The following FBXL13 variants were observed in gnomAD, a reference collection of about 807,000 sequenced individuals.
FBXL13 encodes F-box and leucine-rich repeat protein 13.
FBXL13 carries 67 observed loss-of-function variants against 83.6 expected under a neutral mutation model. The ratio of observed to expected loss-of-function variants is 0.80; its 90% CI spans 0.66 to 0.98. The LOEUF is 0.98. Ranked by LOEUF, FBXL13 falls within the 50% of genes least tolerant of loss-of-function variation. The pLI, the probability that FBXL13 is intolerant of heterozygous loss-of-function variation, is 0.00. For synonymous variants in FBXL13, 272 were observed against 299.5 expected (o/e 0.91, Z 0.95); for missense variants, 822 against 866.5 (o/e 0.95, Z 0.64).
chr7:102,955,243 C>A (rs1324855238), intron 8 of FBXL13, among the ~76,000 whole-genome samples: 1 of 151,698 alleles, frequency 6.6e-6, no homozygotes, highest in Non-Finnish European at 1.5e-5. Flanking sequence ...CAAACTCACT[C>A]AAAACTGCAC....
chr7:102,879,705 A>ATGTT (rs1018759728), intron 14 of FBXL13, among the ~76,000 whole-genome samples: 2 of 151,216 alleles, frequency 1.3e-5, no homozygotes, highest in African/African-American at 4.9e-5. Flanking sequence ...TTTTTTTTGT[A>ATGTT]TGTTTGTTTG....
chr7:102,944,520 C>T lies in FBXL13; in HGVS notation c.725-12587G>A, dbSNP rs748629148. 3 of 1,613,724 alleles carry T rather than the reference C, an allele frequency of 1.9e-6. No homozygotes were observed. The African/African-American group carries it at 4.0e-5, about 22-fold the overall frequency. ...TACCAGCATATCCTGAGTCATTTGACCAAGACACAGAAGATGATGAATGGG... is the reference window on the plus strand; with the variant it reads ...TACCAGCATATCCTGAGTCATTTGATCAAGACACAGAAGATGATGAATGGG... On this transcript the variant is annotated intron_variant, in intron 8 of 19. Coordinates refer to ENST00000313221, the Ensembl canonical transcript of FBXL13.
intron 17 of FBXL13, among the ~76,000 whole-genome samples, chr7:102,848,352 C>T (rs1584602961): frequency 4.2e-5 from 2 of 48,094 alleles, no homozygotes; most frequent in South Asian, 6.8e-4. Flanking sequence ...GTCAGGAGAT[C>T]GAGACCATCC....
rs181873150 is a variant in FBXL13, at chr7:103,028,096, G to C, written c.217+504C>G. Among the ~76,000 whole-genome samples the C allele has an allele frequency of 3.3e-5, 5 of 152,246 alleles. No homozygotes were observed. The East Asian group carries it at 7.7e-4, about 23-fold the overall frequency. ...GGAGAGTTGCAAAAAAATCTAACTG[G>C]AAGACAAGAGCTCTTGGAGGTTATA... On this transcript the variant is annotated intron_variant, in intron 4 of 19. Transcript: ENST00000313221.
At chr7:103,015,638 A>G (rs191816658) in intron 6 of FBXL13, among the ~76,000 whole-genome samples, 101 of 152,236 alleles carry the variant, frequency 6.6e-4, no homozygotes, top group Non-Finnish European at 9.9e-4. Context: ...CTCTACTAAA[A>G]ATACAAAAAC....
intron 1 of FBXL13, among the ~76,000 whole-genome samples, chr7:103,060,182 C>T (rs1352992122): frequency 1.3e-5 from 2 of 150,548 alleles, no homozygotes; most frequent in Non-Finnish European, 3.0e-5. Flanking sequence ...ACCTCAGCCT[C>T]CCAAGGAGCT....
chr7:102,922,932 C>T (rs569557415), intron 10 of FBXL13, among the ~76,000 whole-genome samples: 3 of 152,010 alleles, frequency 2.0e-5, no homozygotes, highest in East Asian at 1.9e-4. Flanking sequence ...GAGCTGAGAT[C>T]GCGCCACTGC....
At chr7:102,819,986 G>A (rs1798579007) in intron 19 of FBXL13, among the ~76,000 whole-genome samples, 1 of 152,148 alleles carries the variant, frequency 6.6e-6, no homozygotes, top group Non-Finnish European at 1.5e-5. Flanking sequence ...TGAGGCCAGG[G>A]TATTTCAGGA....
intron 6 of FBXL13, among the ~76,000 whole-genome samples, chr7:102,991,947 A>G (rs1402586875): frequency 6.6e-6 from 1 of 152,132 alleles, no homozygotes; most frequent in Non-Finnish European, 1.5e-5. Context: ...CCAGTCACCC[A>G]GTCTCAATGC....
chr7:103,042,113 A>C (rs933323363), intron 2 of FBXL13, among the ~76,000 whole-genome samples: 9 of 152,226 alleles, frequency 5.9e-5, no homozygotes, highest in Non-Finnish European at 1.0e-4. Flanking sequence ...CTGATAAGCA[A>C]CTTCAGCAAA....
rs571412917 is a variant in FBXL13 at position 102,829,457 on chromosome 7, T to C, written c.1854+3383A>G. On this transcript the variant is annotated intron_variant, in intron 18 of 19. Coordinates refer to ENST00000313221, the Ensembl canonical transcript of FBXL13. ...AGAGGTGCATTGCAGAGACATTTTG[T>C]CATTGTTCAGGGCTTTGCTTTAATT... 5.9e-5 allele frequency among the ~76,000 whole-genome samples: 9 copies of C among 152,306 alleles called. No homozygotes were observed. In the South Asian group the frequency reaches 1.7e-3, roughly 28 times the overall value.
chr7:102,972,697 GA>G (rs1826861066), intron 6 of FBXL13, among the ~76,000 whole-genome samples: 1 of 148,192 alleles, frequency 6.7e-6, no homozygotes. Context: ...CAGGAAAGGG[GA>G]AAAATAAAAC....
intron 8 of FBXL13, among the ~76,000 whole-genome samples, chr7:102,957,805 T>C (rs893332524): frequency 6.6e-6 from 1 of 152,116 alleles, no homozygotes; most frequent in Non-Finnish European, 1.5e-5. Context: ...TCACTGGTCA[T>C]CAGAGAAATG....
At chr7:103,013,854 T>C (rs1339239593) in intron 6 of FBXL13, among the ~76,000 whole-genome samples, 2 of 152,076 alleles carry the variant, frequency 1.3e-5, no homozygotes, top group South Asian at 4.1e-4. Flanking sequence ...AGGAGCTTTT[T>C]CTTTGAAAGA....
chr7:102,863,581 C>A (rs1355461446), intron 16 of FBXL13, among the ~76,000 whole-genome samples: 2 of 152,042 alleles, frequency 1.3e-5, no homozygotes, highest in Non-Finnish European at 2.9e-5. Context: ...TTTGAACACA[C>A]TGAATTCCTA....
intron 19 of FBXL13, among the ~76,000 whole-genome samples, chr7:102,816,594 T>C (rs962910570): frequency 3.9e-5 from 6 of 152,218 alleles, no homozygotes; most frequent in African/African-American, 1.4e-4. Context: ...CCTATGTAGC[T>C]GTGTGTTTGC....
chr7:102,903,930 TTTTC>T (rs1813307124), intron 11 of FBXL13, among the ~76,000 whole-genome samples: 1 of 128,910 alleles, frequency 7.8e-6, no homozygotes, highest in Non-Finnish European at 1.6e-5. Flanking sequence ...TGTAGTTTTC[TTTTC>T]TTTTCTTTTT....
chr7:102,947,279 A>G (rs1286175974), intron 8 of FBXL13, among the ~76,000 whole-genome samples: 8 of 152,218 alleles, frequency 5.3e-5, no homozygotes, highest in Non-Finnish European at 2.9e-5. Context: ...CTGGAATGAA[A>G]TGAGATGAAA....
intron 2 of FBXL13, among the ~76,000 whole-genome samples, chr7:103,032,469 TATC>T (rs1401751581): frequency 6.6e-5 from 10 of 152,188 alleles, no homozygotes; most frequent in Admixed American, 5.9e-4. Context: ...AATTGCTTAA[TATC>T]ATTGTACCCA....
Sources: gnomAD v4.1 joint callset for allele counts (sites outside exome capture counted in the v4.1 genomes callset) on GRCh38, gnomAD v4.1.1 for gene constraint, MANE v1.5 for transcripts, NCBI Gene and HGNC (gene_info 2026-07-23, HGNC 2026-07-21) for gene names.